Variants in CNTNAP2 observed in about 807,000 individuals in gnomAD.
The protein encoded by CNTNAP2 is contactin-associated protein-like 2.
Under a neutral mutation model 155.2 loss-of-function variants are expected in CNTNAP2, and 98 were observed. That is an observed-to-expected ratio of 0.63 (90% CI 0.54 to 0.75). The LOEUF is 0.75. Among genes scored for constraint, CNTNAP2 ranks in the 30% least tolerant of loss-of-function variants. The pLI is 0.00. For synonymous variants in CNTNAP2, 651 were observed against 631.2 expected (o/e 1.03, Z -0.47); for missense variants, 1,727 against 1,688.1 (o/e 1.02, Z -0.40).
chr7:147,395,068 G>A (rs139444074), intron 9 of CNTNAP2, among the ~76,000 whole-genome samples: 5 of 151,440 alleles, frequency 3.3e-5, no homozygotes, highest in Non-Finnish European at 7.4e-5. Flanking sequence ...TTAAAAAAAG[G>A]CATCTATAAT....
intron 15 of CNTNAP2, among the ~76,000 whole-genome samples, chr7:148,104,156 T>G (rs1340251660): frequency 6.6e-6 from 1 of 152,220 alleles, no homozygotes; most frequent in Non-Finnish European, 1.5e-5. Flanking sequence ...TTACTGATCC[T>G]GCTCTCCCCT....
intron 8 of CNTNAP2, among the ~76,000 whole-genome samples, chr7:147,277,511 A>G (rs1177022186): frequency 1.3e-5 from 2 of 151,910 alleles, no homozygotes; most frequent in African/African-American, 4.8e-5. Context: ...TACTATTTGA[A>G]CTCCTGAGTT....
chr7:146,718,668 T>C (rs1462151471), intron 1 of CNTNAP2, among the ~76,000 whole-genome samples: 1 of 152,176 alleles, frequency 6.6e-6, no homozygotes, highest in Admixed American at 6.6e-5. Flanking sequence ...TTGTTGAAGT[T>C]TAGATAAGGA....
In CNTNAP2 at chr7:147,536,584, G is replaced by A. The variant is rs573975687; in HGVS notation, c.1778-25554G>A. Among the ~76,000 whole-genome samples the A allele has an allele frequency of 1.8e-3, 270 of 152,182 alleles. 1 individual carries two copies. Among genetic ancestry groups the A allele is most frequent in the Non-Finnish European group, 3.2e-3 (221 of 68,012 alleles). On this transcript the variant is annotated intron_variant, in intron 11 of 23. Coordinates refer to ENST00000361727, the MANE Select transcript of CNTNAP2 (RefSeq NM_014141.6). The stretch of plus-strand genomic sequence containing the variant: ...TGCCACTTGAGTTTTTGCGAGTGAG[G>A]GGAAATATCTGTCCATGGTGTATGT...
At chr7:146,499,771 C>T (rs959592766) in intron 1 of CNTNAP2, among the ~76,000 whole-genome samples, 1 of 152,148 alleles carries the variant, frequency 6.6e-6, no homozygotes, top group Non-Finnish European at 1.5e-5. Context: ...AGAATAGCCA[C>T]TGGTGTTGTA....
At chr7:146,507,185 A>ACT (rs1797396931) in intron 1 of CNTNAP2, among the ~76,000 whole-genome samples, 2 of 151,902 alleles carry the variant, frequency 1.3e-5, no homozygotes, top group Non-Finnish European at 2.9e-5. Context: ...TTCCTGTCAC[A>ACT]CTCTCACAAG....
chr7:148,351,950 C>T (rs1302276164), intron 21 of CNTNAP2, among the ~76,000 whole-genome samples: 1 of 152,014 alleles, frequency 6.6e-6, no homozygotes, highest in Non-Finnish European at 1.5e-5. Context: ...CTTCTCCACT[C>T]CTGCCATCAC....
chr7:146,498,514 C>T lies in CNTNAP2; in HGVS notation c.98-275757C>T, dbSNP rs187911174. On this transcript the variant is annotated intron_variant, in intron 1 of 23. Coordinates refer to ENST00000361727, the MANE Select transcript of CNTNAP2 (RefSeq NM_014141.6). Reference sequence around the variant, plus strand: ...ATTACTTAAAATTCTATAAGCTTTTCCCCCCAAACTCAGAGAATTGGATCA... The same window carrying T: ...ATTACTTAAAATTCTATAAGCTTTTTCCCCCAAACTCAGAGAATTGGATCA... 6.4e-3 allele frequency among the ~76,000 whole-genome samples: 979 copies of T among 152,156 alleles called. 2 individuals carry two copies. The highest frequency in any genetic ancestry group is 0.015 in the African/African-American group (635 of 41,528).
intron 13 of CNTNAP2, among the ~76,000 whole-genome samples, chr7:147,705,142 G>A (rs1357892340): frequency 1.3e-5 from 2 of 148,506 alleles, no homozygotes; most frequent in Admixed American, 6.8e-5. Context: ...GTTTCTTGAG[G>A]TGCATTAGAT....
At chr7:147,425,092 C>T (rs7777483) in intron 10 of CNTNAP2, among the ~76,000 whole-genome samples, 40,003 of 151,802 alleles carry the variant, frequency 0.26, 6,069 homozygotes, top group African/African-American at 0.41. Context: ...ATGTTTTCAT[C>T]CCCATCCCAT....
intron 4 of CNTNAP2, among the ~76,000 whole-genome samples, chr7:147,103,342 A>T: frequency 6.6e-6 from 1 of 152,148 alleles, no homozygotes; most frequent in Non-Finnish European, 1.5e-5. Flanking sequence ...TTTTATAAAG[A>T]ATGATCAATG....
intron 13 of CNTNAP2, among the ~76,000 whole-genome samples, chr7:147,705,397 T>C (rs1796294757): frequency 1.3e-5 from 2 of 152,268 alleles, no homozygotes; most frequent in Non-Finnish European, 2.9e-5. Flanking sequence ...TTTTATTCCA[T>C]TGTGATCTGA....
At chr7:147,955,296 T>TATTA (rs776814075) in intron 14 of CNTNAP2, among the ~76,000 whole-genome samples, 13 of 152,314 alleles carry the variant, frequency 8.5e-5, no homozygotes, top group East Asian at 1.9e-4. Context: ...AAACTTTAAA[T>TATTA]ATTTATTTTA....
intron 8 of CNTNAP2, among the ~76,000 whole-genome samples, chr7:147,274,614 T>C (rs1804852017): frequency 6.6e-6 from 1 of 152,208 alleles, no homozygotes. Flanking sequence ...TTTCTTCCAT[T>C]CTGTAGGTTG....
At chr7:147,011,499 G>T (rs990153685) in intron 3 of CNTNAP2, among the ~76,000 whole-genome samples, 4 of 151,152 alleles carry the variant, frequency 2.6e-5, no homozygotes, top group Non-Finnish European at 4.4e-5. Context: ...GATTGAAAGA[G>T]GCATAAAAAC....
At chr7:146,293,240 G>C (rs921611124) in intron 1 of CNTNAP2, among the ~76,000 whole-genome samples, 1 of 152,112 alleles carries the variant, frequency 6.6e-6, no homozygotes, top group Non-Finnish European at 1.5e-5. Context: ...ATAATACCAT[G>C]AACATAGGAA....
intron 20 of CNTNAP2, among the ~76,000 whole-genome samples, chr7:148,249,925 C>T (rs1585216457): frequency 6.6e-6 from 1 of 152,220 alleles, no homozygotes; most frequent in African/African-American, 2.4e-5. Context: ...CTTGCCCTTG[C>T]AGGAGCGTCT....
chr7:148,232,214 T>C (rs1384210282), intron 20 of CNTNAP2, among the ~76,000 whole-genome samples: 1 of 152,210 alleles, frequency 6.6e-6, no homozygotes, highest in African/African-American at 2.4e-5. Flanking sequence ...AGACAAGATG[T>C]AGTTCCTCCT....
chr7:147,491,257 G>T (rs1398101420), intron 11 of CNTNAP2, among the ~76,000 whole-genome samples: 1 of 151,800 alleles, frequency 6.6e-6, no homozygotes, highest in African/African-American at 2.4e-5. Flanking sequence ...CAATGCACTG[G>T]CCTCCTTTCA....
Sources: gnomAD v4.1 joint callset for allele counts (sites outside exome capture counted in the v4.1 genomes callset) on GRCh38, gnomAD v4.1.1 for gene constraint, MANE v1.5 for transcripts, NCBI Gene and HGNC (gene_info 2026-07-23, HGNC 2026-07-21) for gene names.